MAD1L1: variants seen among roughly 807,000 people sequenced by gnomAD.
MAD1L1 encodes mitotic spindle assembly checkpoint protein MAD1.
A neutral mutation model predicts 96.9 loss-of-function variants in MAD1L1; 95 were observed. The observed-to-expected ratio is 0.98, with a 90% confidence interval of 0.83 to 1.16. MAD1L1 has a LOEUF of 1.16. Among genes scored for constraint, MAD1L1 ranks in the 50% most tolerant of loss-of-function variants. The probability of loss-of-function intolerance (pLI) is 0.00; values close to 1 mark genes in which losing one functional copy is unlikely to be tolerated. For synonymous variants in MAD1L1, 473 were observed against 396.6 expected, an observed-to-expected ratio of 1.19 and a Z score of -2.29; for missense variants, 1,007 against 954.4, an observed-to-expected ratio of 1.06 and a Z score of -0.73.
At chr7:2,113,766 A>G (rs542680474) in intron 11 of MAD1L1, among the ~76,000 whole-genome samples, 1 of 152,318 alleles carries the variant, frequency 6.6e-6, no homozygotes, top group East Asian at 1.9e-4. Flanking sequence ...CCAGAGGGAC[A>G]TGACATCCCT....
At chr7:2,062,485 G>A (rs1784705633) in intron 12 of MAD1L1, among the ~76,000 whole-genome samples, 1 of 151,798 alleles carries the variant, frequency 6.6e-6, no homozygotes, top group South Asian at 2.1e-4. Context: ...TGAGGCAACA[G>A]AATTGCTTGA....
intron 18 of MAD1L1, among the ~76,000 whole-genome samples, chr7:1,886,469 G>C (rs1397678996): frequency 1.3e-5 from 2 of 152,196 alleles, no homozygotes; most frequent in Admixed American, 6.5e-5. Context: ...GCAGGTCCTC[G>C]ATTCATGAGT....
intron 14 of MAD1L1, among the ~76,000 whole-genome samples, chr7:1,995,808 G>C (rs1329545951): frequency 6.6e-6 from 1 of 151,984 alleles, no homozygotes; most frequent in Non-Finnish European, 1.5e-5. Context: ...CAGCCATACA[G>C]AACCCCGGTG....
intron 15 of MAD1L1, among the ~76,000 whole-genome samples, chr7:1,960,300 C>A (rs1779901749): frequency 6.9e-6 from 1 of 144,974 alleles, no homozygotes; most frequent in African/African-American, 2.5e-5. Flanking sequence ...GAGTAGAAAA[C>A]AGTCAAATGA....
At chr7:2,209,049 A>G (rs114708913) in intron 10 of MAD1L1, among the ~76,000 whole-genome samples, 8,193 of 152,178 alleles carry the variant, frequency 0.054, 701 homozygotes, top group African/African-American at 0.17. Context: ...ATCCACACGC[A>G]CTGTGTCCCT....
chr7:2,145,486 G>A (rs1584423075), intron 11 of MAD1L1, among the ~76,000 whole-genome samples: 1 of 152,244 alleles, frequency 6.6e-6, no homozygotes, highest in Admixed American at 6.5e-5. Context: ...GCTCACAGCA[G>A]CGTTTGGAAC....
intron 18 of MAD1L1, among the ~76,000 whole-genome samples, chr7:1,861,260 C>G (rs372671392): frequency 2.6e-5 from 4 of 152,126 alleles, no homozygotes; most frequent in Non-Finnish European, 5.9e-5. Flanking sequence ...GGGCTGAGAC[C>G]GGGCTGGTCC....
At chr7:2,217,098 T>C (rs1197511440) in intron 7 of MAD1L1, among the ~76,000 whole-genome samples, 1 of 152,042 alleles carries the variant, frequency 6.6e-6, no homozygotes, top group Non-Finnish European at 1.5e-5. Flanking sequence ...TGGTAAAACA[T>C]CCCACCCCTC....
intron 18 of MAD1L1, chr7:1,848,886 A>C (rs1036301527): frequency 3.2e-5 from 5 of 154,398 alleles, no homozygotes; most frequent in African/African-American, 9.6e-5. Context: ...GTCCTTGCCC[A>C]CTGGTCTGTG....
intron 18 of MAD1L1, among the ~76,000 whole-genome samples, chr7:1,897,610 G>A (rs1023591231): frequency 6.6e-6 from 1 of 152,218 alleles, no homozygotes; most frequent in African/African-American, 2.4e-5. Flanking sequence ...TTCTGCTGTT[G>A]GACCCCGCTC....
In MAD1L1 at chr7:1,817,307, C is replaced by T. The variant is rs548823154; in HGVS notation, c.1999-1079G>A. 2.6e-3 allele frequency among the ~76,000 whole-genome samples: 399 copies of T among 152,264 alleles called. 1 individual carries two copies. Among genetic ancestry groups the T allele is most frequent in the Non-Finnish European group, 3.6e-3 (247 of 68,008 alleles). ...GAGCTGGACGCAGAGTCCATGGGCC[C>T]AGCACCCGCCCGGGCGCGCAGCCAG... On this transcript the variant is annotated intron_variant, in intron 18 of 18. Transcript: ENST00000265854.
chr7:1,985,232 G>A (rs577885505), intron 14 of MAD1L1, among the ~76,000 whole-genome samples: 35 of 152,334 alleles, frequency 2.3e-4, no homozygotes, highest in African/African-American at 7.9e-4. Context: ...CCTTGAGGCC[G>A]GAATGAAATG....
chr7:1,839,496 T>C (rs1391302764), intron 18 of MAD1L1, among the ~76,000 whole-genome samples: 2 of 152,054 alleles, frequency 1.3e-5, no homozygotes, highest in Non-Finnish European at 2.9e-5. Flanking sequence ...CGCTTCCGAG[T>C]GGGGCTGACA....
chr7:1,974,809 G>C (rs118089295), intron 15 of MAD1L1, among the ~76,000 whole-genome samples: 337 of 152,398 alleles, frequency 2.2e-3, no homozygotes, highest in South Asian at 7.9e-3. Flanking sequence ...GCAGCGCACA[G>C]AGCAGGCCCC....
At chr7:2,063,600 G>C (rs1245851935) in intron 12 of MAD1L1, among the ~76,000 whole-genome samples, 2 of 152,200 alleles carry the variant, frequency 1.3e-5, no homozygotes, top group African/African-American at 4.8e-5. Flanking sequence ...ACATGCATCA[G>C]GTGTGTCTCC....
At chr7:1,836,688 G>C (rs917738796) in intron 18 of MAD1L1, among the ~76,000 whole-genome samples, 4 of 152,126 alleles carry the variant, frequency 2.6e-5, no homozygotes, top group African/African-American at 9.7e-5. Context: ...ATCCTAGCAG[G>C]CTGACAAAGA....
At chr7:2,081,285 G>A (rs1785632344) in intron 11 of MAD1L1, among the ~76,000 whole-genome samples, 1 of 152,198 alleles carries the variant, frequency 6.6e-6, no homozygotes, top group South Asian at 2.1e-4. Flanking sequence ...GCCACACTGG[G>A]CTCCTTGCCC....
chr7:2,207,077 C>CA (rs201353849), intron 10 of MAD1L1, among the ~76,000 whole-genome samples: 4,476 of 55,358 alleles, frequency 0.081, 109 homozygotes, highest in South Asian at 0.17. Flanking sequence ...GATTCCGTCT[C>CA]AAAAAAAAAA....
chr7:2,184,874 C>T (rs1298272684), intron 10 of MAD1L1, among the ~76,000 whole-genome samples: 2 of 152,056 alleles, frequency 1.3e-5, no homozygotes, highest in Non-Finnish European at 2.9e-5. Flanking sequence ...TGATAGCGCA[C>T]GCCTGTAATC....
Sources: allele counts gnomAD v4.1 joint callset (sites outside exome capture counted in the v4.1 genomes callset), GRCh38; gene constraint gnomAD v4.1.1; transcripts MANE v1.5; gene names NCBI Gene and HGNC (gene_info 2026-07-23, HGNC 2026-07-21).